R3HDM1: variants seen among roughly 807,000 people sequenced by gnomAD.
R3HDM1 encodes the protein R3H domain-containing protein 1.
R3HDM1 carries 46 observed loss-of-function variants against 141.1 expected under a neutral mutation model. The ratio of observed to expected loss-of-function variants is 0.33; its 90% CI spans 0.26 to 0.42. The LOEUF is 0.42. R3HDM1 is among the 10% of genes least tolerant of loss of function. The pLI is 1.00. For missense variants in R3HDM1, 1,184 were observed against 1,368.3 expected, an observed-to-expected ratio of 0.87 and a Z score of 2.12; for synonymous variants, 435 against 472.9, an observed-to-expected ratio of 0.92 and a Z score of 1.04.
At chr2:135,680,905 T>A (rs2070185987) in intron 21 of R3HDM1, among the ~76,000 whole-genome samples, 1 of 152,076 alleles carries the variant, frequency 6.6e-6, no homozygotes, top group Admixed American at 6.6e-5. Flanking sequence ...ACAAATGGAG[T>A]AACAGTTGGA....
intron 18 of R3HDM1, among the ~76,000 whole-genome samples, chr2:135,655,831 G>A (rs191018966): frequency 2.3e-4 from 35 of 152,074 alleles, no homozygotes; most frequent in African/African-American, 8.2e-4. Flanking sequence ...TAGTATTTAG[G>A]CTCCTTGCAA....
rs2066677213 is a variant in R3HDM1, at chr2:135,661,291, C to G, written c.2050C>G (p.Pro684Ala). ...CTAGATGCCAGCCTGTTATTGCGCTCCAGGCCACTATCACTCCAGCCAACC... is the reference window on the plus strand; with the variant it reads ...CTAGATGCCAGCCTGTTATTGCGCTGCAGGCCACTATCACTCCAGCCAACC... ...SPQMPACYCA[P>A]GHYHSSQPQY... Residue 684 changes from proline to alanine, a missense_variant, in exon 19 of 27, where the codon CCA becomes GCA. Pro to Ala is a conservative substitution (Grantham distance 27). Around this residue, in one of 5 missense-constraint regions of R3HDM1, gnomAD observed 563 missense variants for 562.0 expected, o/e 1.00. Coordinates refer to ENST00000683871, the MANE Select transcript of R3HDM1 (RefSeq NM_001378107.1). 3 of 1,613,928 alleles carry G rather than the reference C, an allele frequency of 1.9e-6. No individual in the cohort carries two copies. Among genetic ancestry groups the G allele is most frequent in the South Asian group, 2.2e-5 (2 of 91,078 alleles).
At chr2:135,650,674 G>A in intron 17 of R3HDM1, 1 of 983,912 alleles carries the variant, frequency 1.0e-6, no homozygotes, top group Non-Finnish European at 1.2e-6. Context: ...CACTGAATTA[G>A]GCTAATAGTG....
chr2:135,635,283 T>C (rs1462550065), intron 9 of R3HDM1, among the ~76,000 whole-genome samples: 1 of 152,214 alleles, frequency 6.6e-6, no homozygotes, highest in African/African-American at 2.4e-5. Context: ...TAGCATAAGA[T>C]ACGGCACTGC....
intron 3 of R3HDM1, among the ~76,000 whole-genome samples, chr2:135,614,925 C>G (rs2060881640): frequency 6.6e-6 from 1 of 151,770 alleles, no homozygotes; most frequent in African/African-American, 2.4e-5. Flanking sequence ...AATTAGAAAT[C>G]CTCTTGAACA....
intron 7 of R3HDM1, among the ~76,000 whole-genome samples, chr2:135,631,365 C>A (rs11887317): frequency 0.06 from 9,030 of 149,764 alleles, 488 homozygotes; most frequent in African/African-American, 0.15. Flanking sequence ...TAATACTAAG[C>A]AGATCAAAAT....
chr2:135,531,992 A>T (rs944876599), intron 1 of R3HDM1, among the ~76,000 whole-genome samples: 1 of 152,170 alleles, frequency 6.6e-6, no homozygotes, highest in African/African-American at 2.4e-5. Context: ...AAGGTTTCCG[A>T]GTCCCTGCCA....
rs144321673 is a variant in R3HDM1, at chr2:135,631,511, G to T, written c.498-207G>T. Among the ~76,000 whole-genome samples the T allele has an allele frequency of 9.9e-5, 15 of 152,012 alleles. No individual in the cohort carries two copies. In the East Asian group the frequency reaches 2.5e-3, roughly 25 times the overall value. ...CACTATTCTCTACATTAGTGTATGT[G>T]TGAAAACTTCTGTAATAAAAAGTTA... On this transcript the variant is annotated intron_variant, in intron 7 of 26. Transcript: ENST00000683871.
At chr2:135,583,304 G>C (rs1191734547) in intron 1 of R3HDM1, among the ~76,000 whole-genome samples, 1 of 151,952 alleles carries the variant, frequency 6.6e-6, no homozygotes, top group African/African-American at 2.4e-5. Context: ...GAATTTATCT[G>C]ATTGTTTCAT....
At chr2:135,547,636 G>GA (rs1463886532) in intron 1 of R3HDM1, among the ~76,000 whole-genome samples, 1 of 151,728 alleles carries the variant, frequency 6.6e-6, no homozygotes, top group Non-Finnish European at 1.5e-5. Flanking sequence ...ACTGTTTGCT[G>GA]AATCTTATGG....
In R3HDM1 at chr2:135,539,419, G is replaced by T. The variant is rs3851337; in HGVS notation, c.-250+7786G>T. Among the ~76,000 whole-genome samples the T allele has an allele frequency of 1.0e-2, 1,519 of 152,200 alleles. 19 individuals are homozygous for T. The highest frequency in any genetic ancestry group is 0.034 in the African/African-American group (1,412 of 41,504). On this transcript the variant is annotated intron_variant, in intron 1 of 26. Coordinates refer to ENST00000683871, the MANE Select transcript of R3HDM1 (RefSeq NM_001378107.1). ...GGCTGTGATAATCCTTAGGTGCTAG[G>T]AATTTTTCACCAACATAGTCTTATG...
Position 135,604,897 on chromosome 2 carries a change from G to T in R3HDM1, c.52G>T (p.Asp18Tyr). The T allele has an allele frequency of 6.2e-7, 1 of 1,611,158 alleles. No homozygotes were observed. Among genetic ancestry groups the T allele is most frequent in the South Asian group, 1.1e-5 (1 of 91,008 alleles). Residue 18 changes from aspartate to tyrosine, a missense_variant, in exon 3 of 27, where the codon GAT (aspartate) becomes TAT (tyrosine). Physicochemically the swap from Asp to Tyr is radical, Grantham distance 160 (BLOSUM62 -3). Around this residue, in one of 5 missense-constraint regions of R3HDM1, gnomAD observed 192 missense variants for 215.7 expected, o/e 0.89. Transcript: ENST00000683871. Reference sequence around the variant, plus strand: ...AAAAGATGAAACTGCAACAATGAAGGATTTGGAGGCAGAAGTGAAAGATAC... The same window carrying T: ...AAAAGATGAAACTGCAACAATGAAGTATTTGGAGGCAGAAGTGAAAGATAC... Reference protein sequence around the residue: ...TVKDETATMKDLEAEVKDTTR... With the variant: ...TVKDETATMKYLEAEVKDTTR...
At chr2:135,682,152 T>C (rs577562537) in intron 21 of R3HDM1, among the ~76,000 whole-genome samples, 2 of 150,662 alleles carry the variant, frequency 1.3e-5, no homozygotes, top group South Asian at 2.1e-4. Flanking sequence ...AGTGAGAAAA[T>C]TGATGATTTA....
intron 21 of R3HDM1, among the ~76,000 whole-genome samples, chr2:135,703,277 G>A (rs1462878666): frequency 3.9e-5 from 6 of 152,072 alleles, no homozygotes; most frequent in African/African-American, 1.4e-4. Context: ...TTATTAAATG[G>A]GAAATAATCC....
At chr2:135,706,873 G>C (rs1304605384) in intron 21 of R3HDM1, among the ~76,000 whole-genome samples, 1 of 152,020 alleles carries the variant, frequency 6.6e-6, no homozygotes, top group East Asian at 1.9e-4. Flanking sequence ...ATCATGGCCC[G>C]TTCTCAATGA....
At chr2:135,660,943 C>T (rs2066621381) in intron 18 of R3HDM1, among the ~76,000 whole-genome samples, 1 of 151,352 alleles carries the variant, frequency 6.6e-6, no homozygotes, top group East Asian at 1.9e-4. Context: ...TCACCAACTA[C>T]AGAATAATGG....
At chr2:135,662,966 ACT>A (rs2066927772) in intron 19 of R3HDM1, among the ~76,000 whole-genome samples, 1 of 151,972 alleles carries the variant, frequency 6.6e-6, no homozygotes, top group Non-Finnish European at 1.5e-5. Flanking sequence ...TCATTAGTAC[ACT>A]CTATTAATAA....
intron 19 of R3HDM1, among the ~76,000 whole-genome samples, chr2:135,664,986 G>C (rs181041544): frequency 6.6e-5 from 10 of 152,278 alleles, no homozygotes; most frequent in South Asian, 2.1e-4. Flanking sequence ...TGAAGCCTCT[G>C]TGTACTGTAA....
At chr2:135,618,684 A>G (rs2061282297) in intron 5 of R3HDM1, among the ~76,000 whole-genome samples, 3 of 151,850 alleles carry the variant, frequency 2.0e-5, no homozygotes, top group East Asian at 3.9e-4. Flanking sequence ...ATACAGTCTG[A>G]AAAAAAACCA....
Sources: allele counts gnomAD v4.1 joint callset (sites outside exome capture counted in the v4.1 genomes callset), GRCh38; gene constraint gnomAD v4.1.1; regional missense constraint gnomAD v4.1.1; transcripts MANE v1.5; gene names NCBI Gene and HGNC (gene_info 2026-07-23, HGNC 2026-07-21).